TP73: variants seen among roughly 807,000 people sequenced by gnomAD.
TP73 encodes tumor protein p73.
A neutral mutation model predicts 62.5 loss-of-function variants in TP73; 25 were observed. The ratio of observed to expected loss-of-function variants is 0.40; its 90% CI spans 0.29 to 0.56. TP73 has a LOEUF of 0.56. TP73 is among the 20% of genes least tolerant of loss of function. The pLI, the probability that TP73 is intolerant of heterozygous loss-of-function variation, is 0.46. For missense variants in TP73, 754 were observed against 913.3 expected, an observed-to-expected ratio of 0.83 and a Z score of 2.25; for synonymous variants, 423 against 377.5, an observed-to-expected ratio of 1.12 and a Z score of -1.40.
intron 1 of TP73, among the ~76,000 whole-genome samples, chr1:3,673,542 CAG>C (rs1308029661): frequency 6.6e-6 from 1 of 152,204 alleles, no homozygotes; most frequent in Non-Finnish European, 1.5e-5. Context: ...GACAAGGAAA[CAG>C]AGGCTCAGAA....
Position 3,696,503 on chromosome 1 carries a change from G to A in TP73, c.187-11046G>A, listed in dbSNP as rs3819958. ...CTGCACGGAGGCAGGGAGAGACAGC[G>A]GCTGGAGCTGAGCACTGGGCACTAC... is the stretch of plus-strand genomic sequence containing the variant. On this transcript the variant is annotated intron_variant, in intron 3 of 13. Coordinates refer to ENST00000378295, the MANE Select transcript of TP73 (RefSeq NM_005427.4). This position sits in a 1 kb window ranked among gnomAD's most constrained non-coding sequence, Gnocchi z 4.1. Among the ~76,000 whole-genome samples the A allele has an allele frequency of 0.21, 31,804 of 151,524 alleles. 3,601 individuals carry two copies. Among genetic ancestry groups the A allele is most frequent in the Non-Finnish European group, 0.25 (17,087 of 67,858 alleles).
chr1:3,704,160 G>A (rs538029738), intron 3 of TP73, among the ~76,000 whole-genome samples: 2 of 152,366 alleles, frequency 1.3e-5, no homozygotes, highest in South Asian at 2.1e-4. Context: ...TGAGGGTGTC[G>A]GCTCCGAGCC....
intron 6 of TP73, among the ~76,000 whole-genome samples, chr1:3,726,070 ATGGATGGATTTATTGATATTGAATGGG>A (rs1641543669): frequency 2.1e-5 from 1 of 48,244 alleles, no homozygotes. Flanking sequence ...GGGTGGGTGG[ATGGATGGATTTATTGATATTGAATGGG>A]TGGGTGGGTG....
intron 13 of TP73, 119 bp downstream of exon 13, chr1:3,731,675 C>T (rs969909777): frequency 5.7e-5 from 52 of 907,606 alleles, no homozygotes; most frequent in South Asian, 2.1e-4. Flanking sequence ...CCCTTTCCCA[C>T]GGGCAAGCAG....
intron 4 of TP73, among the ~76,000 whole-genome samples, chr1:3,716,901 C>G (rs1210757576): frequency 6.6e-6 from 1 of 152,150 alleles, no homozygotes; most frequent in African/African-American, 2.4e-5. Context: ...AGAGGGTGGG[C>G]TCAAAGAGGC....
rs957739787 is a variant in TP73 at position 3,707,891 on chromosome 1, C to G, written c.429+100C>G. ...CCTCAAGAGGTCTGAGCTCGCCCCA[C>G]TGTCTGCTCGGGGTTCCCACCTGGC... On this transcript the variant is annotated intron_variant, in intron 4 of 13. Coordinates refer to ENST00000378295, the MANE Select transcript of TP73 (RefSeq NM_005427.4). The G allele has an allele frequency of 3.4e-6, 5 of 1,486,034 alleles. No individual in the cohort carries two copies. The African/African-American group carries it at 5.5e-5, about 16-fold the overall frequency. 92.1% of individuals were successfully genotyped at this position (1,486,034 alleles called of 1,614,324 possible). A position where few individuals can be genotyped will look rare whatever the true frequency, so the allele number is the denominator to read the frequency against.
intron 1 of TP73, among the ~76,000 whole-genome samples, chr1:3,664,061 AC>A: frequency 6.6e-6 from 1 of 152,284 alleles, no homozygotes; most frequent in African/African-American, 2.4e-5. Context: ...TGCCTATGGG[AC>A]CACACCTGAG....
At chr1:3,675,645 C>T (rs1370103116) in intron 1 of TP73, among the ~76,000 whole-genome samples, 1 of 152,116 alleles carries the variant, frequency 6.6e-6, no homozygotes, top group Non-Finnish European at 1.5e-5. Flanking sequence ...AGAGCTCCAC[C>T]GAGGGGTGGG....
intron 3 of TP73, among the ~76,000 whole-genome samples, chr1:3,686,591 G>A (rs1188279332): frequency 6.6e-6 from 1 of 152,170 alleles, no homozygotes; most frequent in African/African-American, 2.4e-5. Flanking sequence ...GTGGGGTGTG[G>A]GCAAGAGCAG....
chr1:3,678,329 G>A (rs550362903), intron 1 of TP73, among the ~76,000 whole-genome samples: 1 of 152,340 alleles, frequency 6.6e-6, no homozygotes, highest in African/African-American at 2.4e-5. Context: ...GTGGGCAGAG[G>A]GCACATACTC....
intron 1 of TP73, among the ~76,000 whole-genome samples, chr1:3,657,006 G>A (rs1046777619): frequency 8.5e-5 from 13 of 152,302 alleles, no homozygotes; most frequent in African/African-American, 2.4e-4. Flanking sequence ...CAATTATGGC[G>A]GTGATTAGAT....
chr1:3,704,766 G>C (rs540955511), intron 3 of TP73, among the ~76,000 whole-genome samples: 1 of 152,150 alleles, frequency 6.6e-6, no homozygotes, highest in Non-Finnish European at 1.5e-5. Context: ...GGCGGGGCCT[G>C]GGCTGTGCGA....
intron 1 of TP73, among the ~76,000 whole-genome samples, chr1:3,658,316 T>C (rs1009372456): frequency 6.6e-6 from 1 of 152,152 alleles, no homozygotes; most frequent in Non-Finnish European, 1.5e-5. Context: ...TTCTTGTCAA[T>C]AAACGATTGA....
intron 3 of TP73, among the ~76,000 whole-genome samples, chr1:3,688,835 G>A (rs1645733213): frequency 6.6e-6 from 1 of 152,146 alleles, no homozygotes; most frequent in Non-Finnish European, 1.5e-5. Flanking sequence ...GCATGGGTGG[G>A]GCTCGTGCTG....
chr1:3,673,876 G>A (rs564735694), intron 1 of TP73, among the ~76,000 whole-genome samples: 32 of 152,176 alleles, frequency 2.1e-4, no homozygotes, highest in African/African-American at 3.4e-4. Context: ...GTGGCTGTGC[G>A]GTGGGAACAC....
chr1:3,728,377 C>T (rs1641852952), intron 9 of TP73, among the ~76,000 whole-genome samples, 160 bp downstream of exon 9: 1 of 152,214 alleles, frequency 6.6e-6, no homozygotes, highest in Non-Finnish European at 1.5e-5. Flanking sequence ...AACCTGCTTG[C>T]AAGAGCCAGA....
intron 1 of TP73, among the ~76,000 whole-genome samples, chr1:3,673,670 G>C (rs755646960): frequency 6.6e-6 from 1 of 152,312 alleles, no homozygotes; most frequent in South Asian, 2.1e-4. Flanking sequence ...TTCAGGGCAC[G>C]AAGCGGTGGG....
intron 9 of TP73, among the ~76,000 whole-genome samples, chr1:3,728,700 G>A (rs1171165410): frequency 6.6e-6 from 1 of 152,254 alleles, no homozygotes; most frequent in East Asian, 1.9e-4. Flanking sequence ...CCCAGTTGGG[G>A]TCAGTGGCTC....
chr1:3,655,625 A>G (rs1644849503), intron 1 of TP73, among the ~76,000 whole-genome samples: 1 of 152,122 alleles, frequency 6.6e-6, no homozygotes, highest in South Asian at 2.1e-4. Flanking sequence ...GAATGTGGTG[A>G]AAGTTTTCTA....
Sources: gnomAD v4.1 joint callset for allele counts (sites outside exome capture counted in the v4.1 genomes callset) on GRCh38, gnomAD v4.1.1 for gene constraint, Gnocchi (gnomAD v3.1) non-coding constraint, MANE v1.5 for transcripts, NCBI Gene and HGNC (gene_info 2026-07-23, HGNC 2026-07-21) for gene names.